Variants in SLCO4A1 observed in about 807,000 individuals in gnomAD.
The protein encoded by SLCO4A1 is colon organic anion transporter.
A neutral mutation model predicts 64.6 loss-of-function variants in SLCO4A1; 51 were observed. The ratio of observed to expected loss-of-function variants is 0.79; its 90% CI spans 0.63 to 1.00. The LOEUF (loss-of-function observed/expected upper bound fraction) is 1.00. Ranked by LOEUF, SLCO4A1 falls within the 50% of genes least tolerant of loss-of-function variation. SLCO4A1 has a pLI of 0.00. For synonymous variants in SLCO4A1, 471 were observed against 444.9 expected (o/e 1.06, Z -0.74); for missense variants, 919 against 980.5 (o/e 0.94, Z 0.84).
At chr20:62,653,619 A>T (rs1169450279) in intron 1 of SLCO4A1, among the ~76,000 whole-genome samples, 1 of 152,068 alleles carries the variant, frequency 6.6e-6, no homozygotes, top group Non-Finnish European at 1.5e-5. Context: ...CTGACCTTAG[A>T]GTTAGTGTGT....
downstream of SLCO4A1, among the ~76,000 whole-genome samples, chr20:62,688,972 T>C (rs188535011): frequency 1.8e-3 from 276 of 152,324 alleles, 1 homozygote; most frequent in African/African-American, 6.3e-3. Flanking sequence ...ATCAGGCTCA[T>C]CACAAAAGCT....
Position 62,658,673 on chromosome 20 carries a change from G to T in SLCO4A1, c.797-4G>T, listed in dbSNP as rs754975937. The T allele has an allele frequency of 1.2e-6, 2 of 1,608,044 alleles. No individual in the cohort carries two copies. The highest frequency in any genetic ancestry group is 1.3e-5 in the African/African-American group (1 of 74,866). Reference sequence around the variant, plus strand: ...CGGCCCTGACGCCTCTGCCTCTCTCGCAGCCATCTTCTACACAGCGGCCAT... The same window carrying T: ...CGGCCCTGACGCCTCTGCCTCTCTCTCAGCCATCTTCTACACAGCGGCCAT... On this transcript the variant is annotated splice_region_variant and splice_polypyrimidine_tract_variant and intron_variant, in intron 2 of 11. Coordinates refer to ENST00000217159, the MANE Select transcript of SLCO4A1 (RefSeq NM_016354.4).
chr20:62,645,859 C>T lies in SLCO4A1; in HGVS notation c.-97+3306C>T, dbSNP rs1485296979. On this transcript the variant is annotated intron_variant, in intron 1 of 11. Transcript: ENST00000217159. The surrounding 1 kb of genome is among the most constrained non-coding windows in gnomAD (Gnocchi z 4.2). ...TAATCTGGCAAGCCTTGGGGGGCAC[C>T]TGAGGCATTGCCCCTCTGGCCCAAG... Among the ~76,000 whole-genome samples the T allele has an allele frequency of 1.3e-5, 2 of 152,040 alleles. No homozygotes were observed. The highest frequency in any genetic ancestry group is 2.9e-5 in the Non-Finnish European group (2 of 68,018).
intron 2 of SLCO4A1, among the ~76,000 whole-genome samples, chr20:62,679,325 G>A (rs564135073): frequency 1.3e-5 from 2 of 151,774 alleles, no homozygotes; most frequent in African/African-American, 2.4e-5. Flanking sequence ...GGTGGACGTG[G>A]TTCCACAAAT....
In SLCO4A1 at chr20:62,656,583, C is replaced by T. The variant is rs764622826; in HGVS notation, c.129C>T (p.Ser43=). Residue 43 remains serine (S), a synonymous_variant, in exon 2 of 12, where the codon TCC becomes TCT. Coordinates refer to ENST00000217159, the MANE Select transcript of SLCO4A1 (RefSeq NM_016354.4). ...ASPGTPLSPG[S]LRSAAHSPLD... Reference sequence around the variant, plus strand: ...CGGGCACACCCCTGAGCCCCGGCTCCCTCCGCTCCGCTGCCCATAGCCCCC... The same window carrying T: ...CGGGCACACCCCTGAGCCCCGGCTCTCTCCGCTCCGCTGCCCATAGCCCCC... 4 of 1,592,278 alleles carry T rather than the reference C, an allele frequency of 2.5e-6. No individual in the cohort carries two copies. Among genetic ancestry groups the T allele is most frequent in the Non-Finnish European group, 1.7e-6 (2 of 1,172,904 alleles).
chr20:62,644,979 C>T lies in SLCO4A1; in HGVS notation c.-97+2426C>T, dbSNP rs558405066. 1.6e-4 allele frequency among the ~76,000 whole-genome samples: 24 copies of T among 152,368 alleles called. No individual in the cohort carries two copies. In the South Asian group the frequency reaches 1.7e-3, roughly 11 times the overall value. ...CGGGCTGTGGACAGAGGCCACAAAA[C>T]GTTCCCTCACGAGCCACATGACTGC... On this transcript the variant is annotated intron_variant, in intron 1 of 11. Coordinates refer to ENST00000217159, the MANE Select transcript of SLCO4A1 (RefSeq NM_016354.4). The surrounding 1 kb of genome is among the most constrained non-coding windows in gnomAD (Gnocchi z 5.4).
Position 62,667,730 on chromosome 20 carries a change from G to T in SLCO4A1, c.1473-15G>T. On this transcript the variant is annotated splice_polypyrimidine_tract_variant and intron_variant, in intron 7 of 11. Transcript: ENST00000217159. ...CTGGCCTGGACCCTACCACTCGCTT[G>T]TCCCCCCTCTGCAGCCTCCTGCCCG... 1 of 1,601,908 alleles carries T rather than the reference G, an allele frequency of 6.2e-7. No individual in the cohort carries two copies. The highest frequency in any genetic ancestry group is 2.2e-5 in the East Asian group (1 of 44,676).
rs990996643 is a variant in SLCO4A1 at position 62,644,676 on chromosome 20, T to C, written c.-97+2123T>C. Among the ~76,000 whole-genome samples, 6 of 152,246 alleles carry C rather than the reference T, an allele frequency of 3.9e-5. No homozygotes were observed. The highest frequency in any genetic ancestry group is 5.9e-5 in the Non-Finnish European group (4 of 68,050). On this transcript the variant is annotated intron_variant, in intron 1 of 11. Transcript: ENST00000217159. This position sits in a 1 kb window ranked among gnomAD's most constrained non-coding sequence, Gnocchi z 5.4. ...AGAATGAAAAGTTAACTCATCGAGCTTAGTATTGTGCCTACAAGGTCTTCG... is the reference window on the plus strand; with the variant it reads ...AGAATGAAAAGTTAACTCATCGAGCCTAGTATTGTGCCTACAAGGTCTTCG...
intron 1 of SLCO4A1, chr20:62,649,535 G>A (rs73145463): frequency 0.051 from 7,721 of 152,410 alleles, 313 homozygotes; most frequent in African/African-American, 0.11. Context: ...CCCTGCAGAG[G>A]CCAGGAAGCA....
intron 2 of SLCO4A1, among the ~76,000 whole-genome samples, chr20:62,683,372 G>A (rs1228638120): frequency 3.3e-5 from 5 of 152,224 alleles, no homozygotes; most frequent in Middle Eastern, 3.4e-3. Flanking sequence ...TGGCGAGGAC[G>A]GGCTTTTCCA....
chr20:62,643,146 G>C (rs1056245121), intron 1 of SLCO4A1: 1 of 392,338 alleles, frequency 2.5e-6, no homozygotes, highest in Non-Finnish European at 5.4e-6. Flanking sequence ...GAGCGCACAG[G>C]GCTAGTTTCC....
chr20:62,681,836 C>A (rs1024999444), intron 2 of SLCO4A1, among the ~76,000 whole-genome samples: 1 of 152,106 alleles, frequency 6.6e-6, no homozygotes, highest in Non-Finnish European at 1.5e-5. Flanking sequence ...AAAAAAAATC[C>A]GTTTCTTTAA....
chr20:62,656,734 C>T lies in SLCO4A1; in HGVS notation c.280C>T (p.Pro94Ser), dbSNP rs34190517. The T allele has an allele frequency of 1.8e-3, 2,849 of 1,611,810 alleles. 55 individuals carry two copies. The African/African-American group carries it at 0.031, about 18-fold the overall frequency. Residue 94 changes from proline (P) to serine (S), a missense_variant, in exon 2 of 12, where the codon CCG (proline) becomes TCG (serine). Physicochemically the swap from Pro to Ser is moderately conservative, Grantham distance 74. Coordinates refer to ENST00000217159, the MANE Select transcript of SLCO4A1 (RefSeq NM_016354.4). ...GTGCGGCTGGTGGGCCTTCGCACCG[C>T]CGTGCCTGCAGGTCCTCAACACGCC... is the stretch of plus-strand genomic sequence containing the variant. ...VACGWWAFAP[P>S]CLQVLNTPKG...
At chr20:62,687,818 C>T (rs1391510404), downstream of SLCO4A1, among the ~76,000 whole-genome samples, 1 of 152,148 alleles carries the variant, frequency 6.6e-6, no homozygotes, top group Non-Finnish European at 1.5e-5. Context: ...GCACAGCCTC[C>T]AGGGCAGCCA....
At chr20:62,685,792 T>A (rs562661100), downstream of SLCO4A1, 8 of 152,324 alleles carry the variant, frequency 5.3e-5, no homozygotes, top group East Asian at 1.5e-3. The surrounding 1 kb of genome is among the most constrained non-coding windows in gnomAD (Gnocchi z 4.6). Flanking sequence ...CTCCTAAGAA[T>A]TCTGCCCTTG....
intron 1 of SLCO4A1, among the ~76,000 whole-genome samples, chr20:62,648,637 C>T (rs559547567): frequency 6.6e-6 from 1 of 152,360 alleles, no homozygotes; most frequent in Non-Finnish European, 1.5e-5. Context: ...CGTGATGGGG[C>T]AGATTTCAGT....
chr20:62,688,525 G>A (rs1018131817), downstream of SLCO4A1, among the ~76,000 whole-genome samples: 1 of 152,246 alleles, frequency 6.6e-6, no homozygotes, highest in African/African-American at 2.4e-5. Flanking sequence ...GGGGTTTGGG[G>A]CTCACATTGG....
At chr20:62,676,194 C>T (rs190448978), downstream of SLCO4A1, among the ~76,000 whole-genome samples, 240 of 152,258 alleles carry the variant, frequency 1.6e-3, 2 homozygotes, top group African/African-American at 5.1e-3. Context: ...GCAAGCAGAT[C>T]GCTTGAGCCC....
At chr20:62,655,774 A>G (rs1983586516) in intron 1 of SLCO4A1, among the ~76,000 whole-genome samples, 1 of 152,162 alleles carries the variant, frequency 6.6e-6, no homozygotes, top group Non-Finnish European at 1.5e-5. Flanking sequence ...CTTCCAGCTC[A>G]TTCCTGCACC....
Sources: allele counts gnomAD v4.1 joint callset (sites outside exome capture counted in the v4.1 genomes callset), GRCh38; gene constraint gnomAD v4.1.1; non-coding constraint Gnocchi (gnomAD v3.1); transcripts MANE v1.5; gene names NCBI Gene and HGNC (gene_info 2026-07-23, HGNC 2026-07-21).